WWOX: variants seen among roughly 807,000 people sequenced by gnomAD.
The protein encoded by WWOX is WW domain-containing oxidoreductase.
Under a neutral mutation model 46.2 loss-of-function variants are expected in WWOX, and 69 were observed. The ratio of observed to expected loss-of-function variants is 1.49; its 90% CI spans 1.23 to 1.82. The LOEUF is 1.82. Ranked by LOEUF, WWOX falls within the 40% of genes most tolerant of loss-of-function variation. The pLI, the probability that WWOX is intolerant of heterozygous loss-of-function variation, is 0.00. For missense variants in WWOX, 919 were observed against 542.6 expected, an observed-to-expected ratio of 1.69 and a Z score of -6.89; for synonymous variants, 359 against 202.6, an observed-to-expected ratio of 1.77 and a Z score of -6.56.
chr16:79,006,538 A>C (rs1433905860), intron 8 of WWOX, among the ~76,000 whole-genome samples: 1 of 151,814 alleles, frequency 6.6e-6, no homozygotes, highest in Non-Finnish European at 1.5e-5. Context: ...TCCATCCAAC[A>C]GACATTTGTG....
At chr16:78,811,464 C>G (rs1224687276) in intron 8 of WWOX, among the ~76,000 whole-genome samples, 1 of 151,646 alleles carries the variant, frequency 6.6e-6, no homozygotes, top group Non-Finnish European at 1.5e-5. Context: ...CCTTTCCTTT[C>G]TCCTCTCCTG....
At chr16:78,954,750 A>G (rs973951918) in intron 8 of WWOX, among the ~76,000 whole-genome samples, 3 of 152,060 alleles carry the variant, frequency 2.0e-5, no homozygotes, top group African/African-American at 4.8e-5. Context: ...TGCTATGGGG[A>G]AGCAAAGCTA....
chr16:78,546,638 C>G (rs1350012097), intron 8 of WWOX, among the ~76,000 whole-genome samples: 1 of 152,218 alleles, frequency 6.6e-6, no homozygotes, highest in African/African-American at 2.4e-5. Flanking sequence ...CCTAGTCCCA[C>G]TCCCTAAAGA....
chr16:78,777,432 G>A (rs2050218569), intron 8 of WWOX, among the ~76,000 whole-genome samples: 1 of 152,292 alleles, frequency 6.6e-6, no homozygotes, highest in African/African-American at 2.4e-5. Context: ...AATTTAAGTA[G>A]CTGATGTGTC....
In WWOX at chr16:78,357,996, T is replaced by C. The variant is rs140033363; in HGVS notation, c.517-28864T>C. Among the ~76,000 whole-genome samples, 10 of 152,272 alleles carry C rather than the reference T, an allele frequency of 6.6e-5. No individual in the cohort carries two copies. The East Asian group carries it at 1.5e-3, about 24-fold the overall frequency. On this transcript the variant is annotated intron_variant, in intron 5 of 8. Coordinates refer to ENST00000566780, the MANE Select transcript of WWOX (RefSeq NM_016373.4). ...AACTGGGGACCTGTTGCCGGAGATG[T>C]GGAGCTGTGCATTAGGGCTGGGTAG...
chr16:78,614,312 G>C (rs756787055), intron 8 of WWOX, among the ~76,000 whole-genome samples: 1 of 152,228 alleles, frequency 6.6e-6, no homozygotes, highest in Non-Finnish European at 1.5e-5. Flanking sequence ...GAATCAAGTA[G>C]AATAACATGG....
chr16:78,161,661 C>G (rs966991844), intron 4 of WWOX, among the ~76,000 whole-genome samples: 1 of 152,070 alleles, frequency 6.6e-6, no homozygotes, highest in Non-Finnish European at 1.5e-5. Context: ...TGCTATGTTG[C>G]CCAAGCTGGT....
intron 5 of WWOX, among the ~76,000 whole-genome samples, chr16:78,240,033 G>A (rs919359107): frequency 1.3e-5 from 2 of 152,140 alleles, no homozygotes; most frequent in African/African-American, 4.8e-5. Context: ...GGGTGGAATA[G>A]CGTCTCCCCA....
intron 2 of WWOX, among the ~76,000 whole-genome samples, 157 bp downstream of exon 2, chr16:78,108,644 A>G (rs938077069): frequency 9.2e-5 from 14 of 152,186 alleles, no homozygotes; most frequent in African/African-American, 2.9e-4. Flanking sequence ...TTGGCAGAAG[A>G]AGATGATGAG....
chr16:78,529,600 G>T (rs370380910), intron 8 of WWOX, among the ~76,000 whole-genome samples: 81 of 152,178 alleles, frequency 5.3e-4, no homozygotes, highest in African/African-American at 1.8e-3. Flanking sequence ...CTGAGTAGCT[G>T]GGATTACAGG....
intron 8 of WWOX, among the ~76,000 whole-genome samples, chr16:78,443,632 A>C (rs12445747): frequency 0.021 from 3,148 of 152,220 alleles, 47 homozygotes; most frequent in African/African-American, 0.043. Context: ...GAAAGTGACT[A>C]TCTGGCCTTA....
intron 5 of WWOX, among the ~76,000 whole-genome samples, chr16:78,236,809 G>T (rs1320888514): frequency 6.6e-6 from 1 of 152,132 alleles, no homozygotes; most frequent in East Asian, 1.9e-4. Flanking sequence ...GGGCCCGGTG[G>T]CTCACACCTG....
rs193210519 is a variant in WWOX at position 78,366,853 on chromosome 16, C to G, written c.517-20007C>G. On this transcript the variant is annotated intron_variant, in intron 5 of 8. Coordinates refer to ENST00000566780, the MANE Select transcript of WWOX (RefSeq NM_016373.4). ...TATTTTCTTTCTACACATATAGAAA[C>G]TGTTCCTATCATACGTGACTCAGTT... Among the ~76,000 whole-genome samples the G allele has an allele frequency of 6.8e-4, 103 of 151,526 alleles. 2 individuals carry two copies. Among genetic ancestry groups the G allele is most frequent in the Admixed American group, 6.7e-3 (102 of 15,240 alleles).
At chr16:78,124,174 T>A (rs921194680) in intron 4 of WWOX, 2 of 151,674 alleles carry the variant, frequency 1.3e-5, no homozygotes, top group Admixed American at 6.6e-5. Context: ...ATTTATATAA[T>A]TTTTTTTTCA....
intron 8 of WWOX, among the ~76,000 whole-genome samples, chr16:78,894,200 T>C (rs1409756981): frequency 2.0e-5 from 3 of 152,016 alleles, no homozygotes; most frequent in African/African-American, 7.2e-5. Flanking sequence ...ACTGTGGCAA[T>C]TGTTAATGTT....
At chr16:78,674,377 C>G (rs1458807753) in intron 8 of WWOX, among the ~76,000 whole-genome samples, 1 of 151,714 alleles carries the variant, frequency 6.6e-6, no homozygotes, top group Non-Finnish European at 1.5e-5. Flanking sequence ...CTCTCCCTTC[C>G]AAGTTCAAGC....
chr16:78,484,937 A>G (rs1158213515), intron 8 of WWOX, among the ~76,000 whole-genome samples: 2 of 152,072 alleles, frequency 1.3e-5, no homozygotes, highest in Non-Finnish European at 2.9e-5. Context: ...TTTGTGTACT[A>G]CACAGCCTGT....
chr16:79,203,880 A>G (rs537584392), intron 8 of WWOX: 1 of 152,354 alleles, frequency 6.6e-6, no homozygotes, highest in Non-Finnish European at 1.5e-5. Flanking sequence ...AGCTATAACC[A>G]TAACAGAGGT....
intron 8 of WWOX, among the ~76,000 whole-genome samples, chr16:79,086,607 G>A (rs1018987135): frequency 4.6e-5 from 7 of 152,204 alleles, no homozygotes; most frequent in African/African-American, 1.7e-4. Flanking sequence ...CTGGCCAGGT[G>A]CAGTGGCTCA....
Sources: allele counts gnomAD v4.1 joint callset (sites outside exome capture counted in the v4.1 genomes callset), GRCh38; gene constraint gnomAD v4.1.1; transcripts MANE v1.5; gene names NCBI Gene and HGNC (gene_info 2026-07-23, HGNC 2026-07-21).